The following TRABD2A variants were observed in gnomAD, a reference collection of about 807,000 sequenced individuals.
TRABD2A encodes the protein metalloprotease TIKI1.
In TRABD2A, 43 loss-of-function variants were observed where a neutral mutation model predicts 45.6. The observed-to-expected ratio is 0.94, with a 90% CI of 0.74 to 1.22. The LOEUF (loss-of-function observed/expected upper bound fraction) is 1.22. Ranked by LOEUF, TRABD2A falls within the 50% of genes most tolerant of loss-of-function variation. The probability of loss-of-function intolerance (pLI) is 0.00; values close to 1 mark genes in which losing one functional copy is unlikely to be tolerated. For missense variants in TRABD2A, 642 were observed against 652.4 expected (o/e 0.98, Z 0.17); for synonymous variants, 269 against 265.0 (o/e 1.02, Z -0.15).
chr2:84,845,597 A>G (rs75895024), intron 2 of TRABD2A, among the ~76,000 whole-genome samples: 2,020 of 152,202 alleles, frequency 0.013, 40 homozygotes, highest in African/African-American at 0.046. Flanking sequence ...CAAAATGCCA[A>G]CTGTGATCCT....
intron 1 of TRABD2A, among the ~76,000 whole-genome samples, chr2:84,880,693 GGCGGAGGGCAA>G (rs1683173510): frequency 6.6e-6 from 1 of 152,258 alleles, no homozygotes; most frequent in South Asian, 2.1e-4. Context: ...CCCTTGGGCT[GGCGGAGGGCAA>G]AGGCCAGGGC....
chr2:84,870,154 T>C, intron 2 of TRABD2A, 71 bp downstream of exon 2: 1 of 1,424,064 alleles, frequency 7.0e-7, no homozygotes, highest in Admixed American at 2.1e-5. Flanking sequence ...ATCCATCACC[T>C]GCCCTGAAAC....
At chr2:84,879,783 A>T (rs1411259248) in intron 1 of TRABD2A, among the ~76,000 whole-genome samples, 1 of 152,186 alleles carries the variant, frequency 6.6e-6, no homozygotes, top group Admixed American at 6.5e-5. Flanking sequence ...GGCCGTCCGC[A>T]GCCCCGCGAC....
chr2:84,869,848 A>C (rs1682811581), intron 2 of TRABD2A, among the ~76,000 whole-genome samples: 1 of 151,876 alleles, frequency 6.6e-6, no homozygotes. Context: ...GCGTGGTAGC[A>C]CACACCTGTA....
At chr2:84,849,713 C>T (rs1682017847) in intron 2 of TRABD2A, among the ~76,000 whole-genome samples, 1 of 152,228 alleles carries the variant, frequency 6.6e-6, no homozygotes, top group South Asian at 2.1e-4. Context: ...GAATACCCGA[C>T]ATGTCCAACT....
chr2:84,828,782 C>T (rs796842100), intron 5 of TRABD2A, among the ~76,000 whole-genome samples: 3 of 152,328 alleles, frequency 2.0e-5, no homozygotes, highest in African/African-American at 7.2e-5. Context: ...AAATTAGATC[C>T]TTGTCCGGAA....
At chr2:84,857,296 C>G (rs1682345376) in intron 2 of TRABD2A, among the ~76,000 whole-genome samples, 1 of 152,210 alleles carries the variant, frequency 6.6e-6, no homozygotes, top group African/African-American at 2.4e-5. Context: ...CAAGCACTTC[C>G]TGACTGTCTC....
chr2:84,867,282 T>C lies in TRABD2A; in HGVS notation c.669+2943A>G, dbSNP rs188125463. Among the ~76,000 whole-genome samples, 13 of 152,296 alleles carry C rather than the reference T, an allele frequency of 8.5e-5. No homozygotes were observed. In the East Asian group the frequency reaches 1.3e-3, roughly 16 times the overall value. Reference sequence around the variant, plus strand: ...TAAACACCTACACAAACCCTAAGAATGTGTTATAAAATCAACATGACACTG... The same window carrying C: ...TAAACACCTACACAAACCCTAAGAACGTGTTATAAAATCAACATGACACTG... On this transcript the variant is annotated intron_variant, in intron 2 of 6. Transcript: ENST00000409520.
At chr2:84,822,909 C>T (rs761239846) in intron 6 of TRABD2A, among the ~76,000 whole-genome samples, 14 of 152,218 alleles carry the variant, frequency 9.2e-5, no homozygotes, top group African/African-American at 1.4e-4. Context: ...ACTTCCCAGG[C>T]TCCAGCCAGA....
At position 84,841,875 on chromosome 2, in the gene TRABD2A, G is replaced by A; in HGVS notation, c.802C>T (p.His268Tyr). 1 of 1,539,600 alleles carries A rather than the reference G, an allele frequency of 6.5e-7. No homozygotes were observed. The highest frequency in any genetic ancestry group is 2.5e-5 in the East Asian group (1 of 40,764). The stretch of plus-strand genomic sequence containing the variant: ...AGGGTGCTCACCTGGGAGCTGTCAT[G>A]GCTGAGGATGACGGAGCTGAGGTCC... The part of the protein sequence containing the change: ...CGDLSSVILS[H>Y]DSSQVPNFIN... Residue 268 changes from histidine to tyrosine, a missense_variant, in exon 3 of 7, where the codon CAT (histidine) becomes TAT (tyrosine). His to Tyr is a moderately conservative substitution (Grantham distance 83, BLOSUM62 2). Coordinates refer to ENST00000409520, the MANE Select transcript of TRABD2A (RefSeq NM_001277053.2).
Position 84,824,008 on chromosome 2 carries a change from G to A in TRABD2A, c.1279C>T (p.Gln427Ter). The A allele has an allele frequency of 6.2e-7, 1 of 1,613,806 alleles. No homozygotes were observed. The highest frequency in any genetic ancestry group is 8.5e-7 in the Non-Finnish European group (1 of 1,179,762). ...QRFRKKRRRSQRRPRLRQFSD... is the reference protein window; with the variant it reads ...QRFRKKRRRS ...AATTGCCGGAGTCGCGGCCTCCGCT[G>A]TGACCGCCTCCGCTTCTTCCGGAAC... Residue 427 changes from glutamine (Q) to a stop codon, truncating the protein, a stop_gained, in exon 6 of 7, where the codon CAG becomes TAG. Transcript: ENST00000409520. LOFTEE classifies it high-confidence loss of function.
At position 84,870,748 on chromosome 2, in the gene TRABD2A, C is replaced by T. The variant is rs1249973107; in HGVS notation, c.146G>A (p.Arg49Gln). The T allele has an allele frequency of 5.0e-6, 8 of 1,595,394 alleles. No homozygotes were observed. Among genetic ancestry groups the T allele is most frequent in the East Asian group, 4.5e-5 (2 of 44,242 alleles). The part of the protein sequence containing the change: ...ELNSFLWTIK[R>Q]DPPSYFFGTI... ...GCCAAAGAAGTAAGATGGTGGGTCT[C>T]GCTTAATGGTCCACAAGAAGGAATT... The change falls in exon 2 of 7, where the codon CGA becomes CAA. Residue 49 changes from arginine to glutamine, a missense_variant. Arg to Gln is a conservative substitution (Grantham distance 43). Coordinates refer to ENST00000409520, the MANE Select transcript of TRABD2A (RefSeq NM_001277053.2).
At chr2:84,862,656 A>G (rs1682538593) in intron 2 of TRABD2A, among the ~76,000 whole-genome samples, 2 of 152,198 alleles carry the variant, frequency 1.3e-5, no homozygotes, top group Admixed American at 6.5e-5. Flanking sequence ...GGGGCAGCCC[A>G]GAGCCAGGGG....
chr2:84,855,573 T>C (rs1682268793), intron 2 of TRABD2A, among the ~76,000 whole-genome samples: 1 of 152,188 alleles, frequency 6.6e-6, no homozygotes, highest in Non-Finnish European at 1.5e-5. Context: ...TGGAGAATAC[T>C]TTACAGGCTT....
intron 2 of TRABD2A, among the ~76,000 whole-genome samples, chr2:84,844,376 G>A (rs1455836152): frequency 2.6e-5 from 4 of 152,130 alleles, no homozygotes; most frequent in Admixed American, 6.5e-5. Flanking sequence ...TGTAAGACAC[G>A]CCTTTCCTCC....
chr2:84,832,062 T>A lies in TRABD2A; in HGVS notation c.1075A>T (p.Ile359Phe). 1 of 1,614,002 alleles carries A rather than the reference T, an allele frequency of 6.2e-7. No individual in the cohort carries two copies. The highest frequency in any genetic ancestry group is 8.5e-7 in the Non-Finnish European group (1 of 1,179,878). ...EVEHAPAGRP[I>F]HKGKSKKTST... ...GAAGCACAGGACGGTTACTTGTGGA[T>A]GGGTCGTCCAGCAGGGGCGTGTTCT... The change falls in exon 5 of 7, where the codon ATC becomes TTC. Residue 359 changes from isoleucine to phenylalanine, a missense_variant. Ile to Phe is a conservative substitution (Grantham distance 21, BLOSUM62 0). Transcript: ENST00000409520.
In TRABD2A at chr2:84,867,611, T is replaced by C. The variant is rs544463182; in HGVS notation, c.669+2614A>G. 5.9e-5 allele frequency among the ~76,000 whole-genome samples: 9 copies of C among 152,308 alleles called. No homozygotes were observed. The East Asian group carries it at 1.7e-3, about 29-fold the overall frequency. Reference sequence around the variant, plus strand: ...GGATCTAATTAAACTAAAGAGCTTCTGCACAGCAAAAGAAACTACCATCAG... The same window carrying C: ...GGATCTAATTAAACTAAAGAGCTTCCGCACAGCAAAAGAAACTACCATCAG... On this transcript the variant is annotated intron_variant, in intron 2 of 6. Coordinates refer to ENST00000409520, the MANE Select transcript of TRABD2A (RefSeq NM_001277053.2).
At chr2:84,863,534 A>G (rs1229342651) in intron 2 of TRABD2A, among the ~76,000 whole-genome samples, 3 of 149,130 alleles carry the variant, frequency 2.0e-5, no homozygotes, top group Non-Finnish European at 4.4e-5. Context: ...GCCTGGCCCC[A>G]TGTGAATCTT....
At chr2:84,823,429 C>G (rs1681051669) in intron 6 of TRABD2A, among the ~76,000 whole-genome samples, 1 of 152,172 alleles carries the variant, frequency 6.6e-6, no homozygotes, top group African/African-American at 2.4e-5. Flanking sequence ...GATTCCTGCT[C>G]CCAGCCTCTC....
Sources: gnomAD v4.1 joint callset for allele counts (sites outside exome capture counted in the v4.1 genomes callset) on GRCh38, gnomAD v4.1.1 for gene constraint, MANE v1.5 for transcripts, NCBI Gene and HGNC (gene_info 2026-07-23, HGNC 2026-07-21) for gene names.